Variants in PECR observed in about 807,000 individuals in gnomAD.
PECR encodes the protein peroxisomal trans-2-enoyl-CoA reductase.
In PECR, 30 loss-of-function variants were observed where a neutral mutation model predicts 35.3. The observed-to-expected ratio is 0.85, with a 90% CI of 0.64 to 1.15. The LOEUF is 1.15. Ranked by LOEUF, PECR falls within the 50% of genes most tolerant of loss-of-function variation. The pLI, the probability that PECR is intolerant of heterozygous loss-of-function variation, is 0.00. For synonymous variants in PECR, 148 were observed against 138.9 expected (o/e 1.07, Z -0.46); for missense variants, 392 against 370.8 (o/e 1.06, Z -0.47).
Position 216,039,131 on chromosome 2 carries a change from AAT to A in PECR, c.*142_*143del. On this transcript the variant is annotated 3_prime_UTR_variant, in exon 8 of 8. Coordinates refer to ENST00000265322, the MANE Select transcript of PECR (RefSeq NM_018441.6). ...GACATAAGACTGTATATATTTCAGG[AAT>A]AGTTTTTCCATAGATATAATTAATA... The A allele has an allele frequency of 1.6e-6, 1 of 642,120 alleles. No individual in the cohort carries two copies. The highest frequency in any genetic ancestry group is 2.9e-5 in the East Asian group (1 of 34,394). 39.8% of individuals were successfully genotyped at this position (642,120 alleles called of 1,614,324 possible).
Position 216,043,934 on chromosome 2 carries a change from T to G in PECR, c.796A>C (p.Ser266Arg). The G allele has an allele frequency of 6.2e-7, 1 of 1,608,926 alleles. No individual in the cohort carries two copies. Reference sequence around the variant, plus strand: ...ACCTCATACGAGTGAGTATAGAGACTCCGGCCCCCATCCACATCCACCGAC... The same window carrying G: ...ACCTCATACGAGTGAGTATAGAGACGCCGGCCCCCATCCACATCCACCGAC... The part of the protein sequence containing the change: ...GQSVDVDGGR[S>R]LYTHSYEVPD... The change falls in exon 7 of 8, where the codon AGT becomes CGT. Residue 266 changes from serine to arginine, a missense_variant. Ser to Arg is a moderately radical substitution (Grantham distance 110, BLOSUM62 -1). Transcript: ENST00000265322.
At chr2:216,076,770 A>G (rs971553063) in intron 1 of PECR, among the ~76,000 whole-genome samples, 6 of 152,072 alleles carry the variant, frequency 3.9e-5, no homozygotes, top group African/African-American at 1.4e-4. Flanking sequence ...ACTGCACTCC[A>G]GCCTGGGCAA....
chr2:216,066,009 A>G (rs1178870945), intron 2 of PECR, among the ~76,000 whole-genome samples: 2 of 152,206 alleles, frequency 1.3e-5, no homozygotes, highest in Non-Finnish European at 2.9e-5. Flanking sequence ...CTATAGTCCC[A>G]GCTACTCAGG....
intron 1 of PECR, among the ~76,000 whole-genome samples, chr2:216,078,015 T>C (rs1191636001): frequency 6.8e-6 from 1 of 147,594 alleles, no homozygotes; most frequent in Non-Finnish European, 1.5e-5. Flanking sequence ...ACCTGTATTT[T>C]TCGTTAAAAA....
intron 7 of PECR, 55 bp downstream of exon 7, chr2:216,043,848 AC>A: frequency 1.1e-6 from 1 of 888,178 alleles, no homozygotes; most frequent in Non-Finnish European, 1.9e-6. Context: ...TAAATTTTAA[AC>A]CCCTGAACAT....
intron 1 of PECR, among the ~76,000 whole-genome samples, chr2:216,070,614 T>C (rs991292863): frequency 4.6e-5 from 7 of 152,188 alleles, no homozygotes; most frequent in Admixed American, 3.3e-4. Flanking sequence ...AAATGAAAAC[T>C]TAAAACAAAA....
In PECR at chr2:216,048,223, C is replaced by T. The variant is rs963874883; in HGVS notation, c.714+1040G>A. ...CCCAGTAGCTGGGACTACAGGTGTC[C>T]GCCACCACACCCGGGTAATTTTTTT... On this transcript the variant is annotated intron_variant, in intron 6 of 7. Coordinates refer to ENST00000265322, the MANE Select transcript of PECR (RefSeq NM_018441.6). 7.2e-5 allele frequency among the ~76,000 whole-genome samples: 11 copies of T among 151,792 alleles called. 1 individual carries two copies. The East Asian group carries it at 1.8e-3, about 24-fold the overall frequency.
chr2:216,077,119 G>A (rs539226949), intron 1 of PECR, among the ~76,000 whole-genome samples: 2 of 151,968 alleles, frequency 1.3e-5, no homozygotes, highest in East Asian at 2.0e-4. Context: ...GGCTGATCTC[G>A]AACTCCCAAC....
chr2:216,031,757 C>T (rs189113870), intron 7 of PECR, among the ~76,000 whole-genome samples: 1 of 151,512 alleles, frequency 6.6e-6, no homozygotes, highest in East Asian at 1.9e-4. Flanking sequence ...TACCCCAATT[C>T]CCCTAATGTC....
chr2:216,063,540 C>T (rs1021470031), intron 3 of PECR, among the ~76,000 whole-genome samples: 1 of 151,966 alleles, frequency 6.6e-6, no homozygotes, highest in South Asian at 2.1e-4. Context: ...ATTGCTTGAA[C>T]CCAGGAGGTG....
chr2:216,065,852 C>T lies in PECR; in HGVS notation c.259-375G>A, dbSNP rs150524867. Among the ~76,000 whole-genome samples, 835 of 152,338 alleles carry T rather than the reference C, an allele frequency of 5.5e-3. 9 individuals carry two copies. The highest frequency in any genetic ancestry group is 0.019 in the African/African-American group (789 of 41,572). ...AAAAAATGACTTAAAGGGCAAGGCA[C>T]GGTGGCTCACACCTGTAATCCTAGC... On this transcript the variant is annotated intron_variant, in intron 2 of 7. Coordinates refer to ENST00000265322, the MANE Select transcript of PECR (RefSeq NM_018441.6).
intron 7 of PECR, among the ~76,000 whole-genome samples, chr2:216,031,843 G>A (rs767638470): frequency 6.6e-6 from 1 of 152,086 alleles, no homozygotes; most frequent in African/African-American, 2.4e-5. Context: ...GCTAAATCTC[G>A]CAGCAAGTCT....
intron 1 of PECR, among the ~76,000 whole-genome samples, chr2:216,078,513 G>A (rs1202774004): frequency 6.6e-6 from 1 of 151,526 alleles, no homozygotes; most frequent in African/African-American, 2.4e-5. Context: ...GCTTGAACCT[G>A]GGAGGTGGAG....
intron 1 of PECR, among the ~76,000 whole-genome samples, chr2:216,070,881 A>G (rs943113434): frequency 6.6e-6 from 1 of 152,242 alleles, no homozygotes; most frequent in African/African-American, 2.4e-5. Context: ...CAAGGGTGGC[A>G]GACGCAGTTT....
At chr2:216,049,635 T>C (rs1262937277) in intron 5 of PECR, among the ~76,000 whole-genome samples, 1 of 152,204 alleles carries the variant, frequency 6.6e-6, no homozygotes, top group Non-Finnish European at 1.5e-5. Context: ...AGACTTGTTT[T>C]CTGAAGGTCA....
intron 1 of PECR, among the ~76,000 whole-genome samples, chr2:216,079,222 C>T (rs1215488574): frequency 7.0e-6 from 1 of 142,372 alleles, no homozygotes; most frequent in African/African-American, 2.6e-5. Context: ...ATGTTGGAAA[C>T]ACAGTCGTAA....
At chr2:216,035,296 A>G (rs1302570163), downstream of PECR, among the ~76,000 whole-genome samples, 1 of 152,134 alleles carries the variant, frequency 6.6e-6, no homozygotes, top group Non-Finnish European at 1.5e-5. Context: ...CACCTCCCTC[A>G]GGGGGTTTTG....
chr2:216,074,558 A>G (rs542229718), intron 1 of PECR, among the ~76,000 whole-genome samples: 3 of 150,900 alleles, frequency 2.0e-5, no homozygotes, highest in South Asian at 2.1e-4. Context: ...GGAAGGAAGG[A>G]AGAGAGAGAG....
downstream of PECR, among the ~76,000 whole-genome samples, chr2:216,034,462 C>T (rs184514717): frequency 2.6e-5 from 4 of 152,160 alleles, no homozygotes; most frequent in African/African-American, 9.7e-5. Flanking sequence ...TTGAGGACTT[C>T]CCATCTGCCT....
Sources: allele counts gnomAD v4.1 joint callset (sites outside exome capture counted in the v4.1 genomes callset), GRCh38; gene constraint gnomAD v4.1.1; transcripts MANE v1.5; gene names NCBI Gene and HGNC (gene_info 2026-07-23, HGNC 2026-07-21).